Variants in BTRC observed in about 807,000 individuals in gnomAD.
BTRC encodes F-box/WD repeat-containing protein 1A.
Under a neutral mutation model 85.5 loss-of-function variants are expected in BTRC, and 42 were observed. The ratio of observed to expected loss-of-function variants is 0.49; its 90% CI spans 0.38 to 0.64. BTRC has a LOEUF of 0.64. Ranked by LOEUF, BTRC falls within the 30% of genes least tolerant of loss-of-function variation. The pLI, the probability that BTRC is intolerant of heterozygous loss-of-function variation, is 0.00. For missense variants in BTRC, 594 were observed against 743.5 expected (o/e 0.80, Z 2.34); for synonymous variants, 255 against 263.3 (o/e 0.97, Z 0.30).
intron 1 of BTRC, among the ~76,000 whole-genome samples, chr10:101,363,709 T>G (rs1193522228): frequency 6.6e-6 from 1 of 152,152 alleles, no homozygotes; most frequent in Admixed American, 6.6e-5. Flanking sequence ...GAAGAGCTCT[T>G]TAGCAGCTTT....
At chr10:101,490,969 G>A (rs1054783304) in intron 4 of BTRC, among the ~76,000 whole-genome samples, 1 of 151,812 alleles carries the variant, frequency 6.6e-6, no homozygotes, top group Non-Finnish European at 1.5e-5. Context: ...GAGGTGGGGA[G>A]ACTCACTTGA....
At chr10:101,438,468 A>G (rs1221917384) in intron 2 of BTRC, among the ~76,000 whole-genome samples, 6 of 150,984 alleles carry the variant, frequency 4.0e-5, no homozygotes, top group South Asian at 2.1e-4. Flanking sequence ...CATTAGCAAT[A>G]TAAGTAATCT....
chr10:101,407,869 C>T (rs759877896), intron 1 of BTRC, among the ~76,000 whole-genome samples: 20 of 151,834 alleles, frequency 1.3e-4, no homozygotes, highest in Non-Finnish European at 2.8e-4. Flanking sequence ...ACTACAGGTG[C>T]GTACCACCAT....
intron 4 of BTRC, among the ~76,000 whole-genome samples, chr10:101,509,087 G>T (rs1020805391): frequency 3.0e-4 from 46 of 151,746 alleles, no homozygotes; most frequent in Non-Finnish European, 4.4e-4. Context: ...AGCCCTTCGG[G>T]GTTCCTTTTC....
chr10:101,456,728 C>G (rs1945093622), intron 2 of BTRC, among the ~76,000 whole-genome samples: 1 of 152,134 alleles, frequency 6.6e-6, no homozygotes, highest in Non-Finnish European at 1.5e-5. Flanking sequence ...GGTGTTACAG[C>G]CCAAATGCAT....
At chr10:101,479,301 T>A in intron 3 of BTRC, 67 bp from the exon 4 acceptor site, 1 of 1,218,940 alleles carries the variant, frequency 8.2e-7, no homozygotes. Context: ...TAGAGCAGAA[T>A]TTGAAAACAG....
intron 4 of BTRC, among the ~76,000 whole-genome samples, chr10:101,505,896 A>C (rs1259539267): frequency 6.6e-6 from 1 of 151,076 alleles, no homozygotes; most frequent in Admixed American, 6.6e-5. Flanking sequence ...TTGGTTTGCT[A>C]TTTTGATGTT....
At chr10:101,513,803 T>TG (rs1260600052) in intron 4 of BTRC, among the ~76,000 whole-genome samples, 1 of 152,214 alleles carries the variant, frequency 6.6e-6, no homozygotes, top group African/African-American at 2.4e-5. Flanking sequence ...AAAGTGGAAT[T>TG]GCTGGGTTGT....
intron 2 of BTRC, among the ~76,000 whole-genome samples, chr10:101,434,337 G>T (rs1051958655): frequency 1.3e-5 from 2 of 151,966 alleles, no homozygotes; most frequent in African/African-American, 4.8e-5. Flanking sequence ...AAAATCCATT[G>T]GTCTCAGTTT....
intron 13 of BTRC, among the ~76,000 whole-genome samples, chr10:101,546,384 G>A (rs548563033): frequency 3.3e-5 from 5 of 152,124 alleles, no homozygotes; most frequent in Admixed American, 3.3e-4. Context: ...AGAAGAAATT[G>A]CAAGATAAAT....
At chr10:101,492,967 A>AT (rs1040396164) in intron 4 of BTRC, among the ~76,000 whole-genome samples, 6 of 152,162 alleles carry the variant, frequency 3.9e-5, no homozygotes, top group African/African-American at 1.4e-4. Context: ...TATAAAACTG[A>AT]TTTTTTAGTC....
At chr10:101,447,488 T>G (rs1333075637) in intron 2 of BTRC, among the ~76,000 whole-genome samples, 1 of 152,198 alleles carries the variant, frequency 6.6e-6, no homozygotes, top group East Asian at 1.9e-4. Flanking sequence ...AGGAGATACT[T>G]TAATACCACA....
intron 1 of BTRC, among the ~76,000 whole-genome samples, chr10:101,368,646 A>G (rs11190971): frequency 0.36 from 54,833 of 151,680 alleles, 11,000 homozygotes; most frequent in Middle Eastern, 0.48. Flanking sequence ...CAGTCAGCCA[A>G]TGTTTTTCAT....
intron 1 of BTRC, among the ~76,000 whole-genome samples, chr10:101,396,670 G>A (rs974156233): frequency 6.6e-6 from 1 of 152,052 alleles, no homozygotes; most frequent in African/African-American, 2.4e-5. Flanking sequence ...TCTCTTGTTT[G>A]TGAAAGTCTG....
chr10:101,425,627 T>C (rs1589451193), intron 1 of BTRC, among the ~76,000 whole-genome samples: 1 of 56,066 alleles, frequency 1.8e-5, no homozygotes, highest in African/African-American at 4.5e-5. Flanking sequence ...TAAAACCTGC[T>C]TTTTTTTTTT....
At chr10:101,548,620 G>A (rs1251878220) in intron 13 of BTRC, among the ~76,000 whole-genome samples, 1 of 152,044 alleles carries the variant, frequency 6.6e-6, no homozygotes, top group Non-Finnish European at 1.5e-5. Flanking sequence ...AGCATGGCGG[G>A]GGGCATCTGT....
At chr10:101,521,577 A>T in intron 4 of BTRC, 62 bp from the exon 5 acceptor site, 1 of 1,196,054 alleles carries the variant, frequency 8.4e-7, no homozygotes. Context: ...CCAGAAAATC[A>T]TATATATTTC....
At chr10:101,458,230 A>G (rs544010945) in intron 2 of BTRC, among the ~76,000 whole-genome samples, 107 of 151,766 alleles carry the variant, frequency 7.1e-4, no homozygotes, top group Middle Eastern at 6.8e-3. Flanking sequence ...AGTAGATCTC[A>G]GATATTTTAT....
chr10:101,426,020 C>T (rs1386996939), intron 1 of BTRC, among the ~76,000 whole-genome samples: 1 of 152,020 alleles, frequency 6.6e-6, no homozygotes, highest in Non-Finnish European at 1.5e-5. Flanking sequence ...AGAAACTGAC[C>T]AATCAGAATG....
Sources: gnomAD v4.1 joint callset for allele counts (sites outside exome capture counted in the v4.1 genomes callset) on GRCh38, gnomAD v4.1.1 for gene constraint, MANE v1.5 for transcripts, NCBI Gene and HGNC (gene_info 2026-07-23, HGNC 2026-07-21) for gene names.